The following DNAH14 variants were observed in gnomAD, a reference collection of about 807,000 sequenced individuals.
DNAH14 encodes the protein axonemal beta dynein heavy chain 14.
DNAH14 carries 478 observed loss-of-function variants against 520.9 expected under a neutral mutation model. The observed-to-expected ratio is 0.92, with a 90% confidence interval of 0.85 to 0.99. The LOEUF is 0.99. Ranked by LOEUF, DNAH14 falls within the 50% of genes least tolerant of loss-of-function variation. The pLI, the probability that DNAH14 is intolerant of heterozygous loss-of-function variation, is 0.00. For synonymous variants in DNAH14, 1,581 were observed against 1,757.2 expected, an observed-to-expected ratio of 0.90 and a Z score of 2.51; for missense variants, 4,831 against 5,234.5, an observed-to-expected ratio of 0.92 and a Z score of 2.38.
intron 21 of DNAH14, among the ~76,000 whole-genome samples, chr1:225,096,712 A>G (rs1398324888): frequency 6.6e-6 from 1 of 152,204 alleles, no homozygotes; most frequent in African/African-American, 2.4e-5. Flanking sequence ...TACATTAAGG[A>G]TATTATATGT....
chr1:225,125,476 C>T (rs553223787), intron 27 of DNAH14, among the ~76,000 whole-genome samples: 2 of 152,336 alleles, frequency 1.3e-5, no homozygotes, highest in South Asian at 4.1e-4. Flanking sequence ...TGCACTTTTA[C>T]ATTACTGAGA....
chr1:225,064,121 G>A (rs2070550883), intron 17 of DNAH14, among the ~76,000 whole-genome samples: 1 of 151,890 alleles, frequency 6.6e-6, no homozygotes, highest in Admixed American at 6.6e-5. Context: ...AGTAAAAAGT[G>A]GGCAAAGTAT....
At chr1:225,083,653 C>T (rs995903804) in intron 20 of DNAH14, among the ~76,000 whole-genome samples, 5 of 152,100 alleles carry the variant, frequency 3.3e-5, no homozygotes, top group Admixed American at 1.3e-4. Flanking sequence ...ATTGTTTACA[C>T]TAAAAATCAT....
intron 71 of DNAH14, among the ~76,000 whole-genome samples, chr1:225,348,099 G>T (rs972218736): frequency 2.0e-5 from 3 of 151,966 alleles, no homozygotes; most frequent in Non-Finnish European, 4.4e-5. Flanking sequence ...TATTACAGGG[G>T]TTCAACAGCA....
At chr1:225,072,630 A>G (rs1420006025) in intron 17 of DNAH14, among the ~76,000 whole-genome samples, 1 of 152,176 alleles carries the variant, frequency 6.6e-6, no homozygotes, top group Admixed American at 6.5e-5. Flanking sequence ...AGTTTTTAGC[A>G]TTCTAGAACC....
intron 11 of DNAH14, among the ~76,000 whole-genome samples, chr1:225,028,580 G>A (rs1319723777): frequency 6.6e-6 from 1 of 151,606 alleles, no homozygotes; most frequent in Non-Finnish European, 1.5e-5. Flanking sequence ...CCAGCTTTTG[G>A]TTTTATTGAT....
chr1:224,954,961 T>C lies in DNAH14; in HGVS notation c.80T>C (p.Leu27Pro), dbSNP rs1402339538. 1.3e-6 allele frequency: 2 copies of C among 1,586,182 alleles called. No individual in the cohort carries two copies. Among genetic ancestry groups the C allele is most frequent in the Non-Finnish European group, 1.7e-6 (2 of 1,164,728 alleles). The change falls in exon 3 of 86, where the codon CTT becomes CCT. Residue 27 changes from leucine to proline, a missense_variant and splice_region_variant. By Grantham distance (98) the Leu-to-Pro change is moderately conservative. Coordinates refer to ENST00000682510, the MANE Select transcript of DNAH14 (RefSeq NM_001367479.1). The stretch of plus-strand genomic sequence containing the variant: ...GAATTGTTTTCTTTGTCATTTAGAC[T>C]TTTAAGATATGAAGAGAAAAAATAT... ...DKEETKTKPR[L>P]LRYEEKKYED... is the part of the protein sequence containing the mutation.
chr1:225,089,309 T>G (rs1401678632), intron 21 of DNAH14, among the ~76,000 whole-genome samples: 1 of 151,688 alleles, frequency 6.6e-6, no homozygotes, highest in Non-Finnish European at 1.5e-5. Flanking sequence ...CTGGGTGTGG[T>G]GGCAGGTGCC....
intron 28 of DNAH14, 144 bp downstream of exon 28, chr1:225,141,165 T>C (rs2079422146): frequency 1.3e-6 from 1 of 750,826 alleles, no homozygotes; most frequent in Non-Finnish European, 2.0e-6. Context: ...TGTACCAATC[T>C]GAGTATATTA....
intron 8 of DNAH14, among the ~76,000 whole-genome samples, chr1:224,987,177 A>G (rs566701230): frequency 7.9e-5 from 12 of 152,138 alleles, no homozygotes; most frequent in Middle Eastern, 3.4e-3. Context: ...TGTAGTTGGT[A>G]AACTAGAGTC....
At chr1:225,282,996 C>T (rs2093659243) in intron 54 of DNAH14, among the ~76,000 whole-genome samples, 1 of 151,304 alleles carries the variant, frequency 6.6e-6, no homozygotes. Context: ...ATCTTTTTAC[C>T]TTATGATATC....
chr1:224,947,356 C>T (rs961424538), intron 1 of DNAH14, among the ~76,000 whole-genome samples: 1 of 151,916 alleles, frequency 6.6e-6, no homozygotes, highest in Non-Finnish European at 1.5e-5. Context: ...ATTTTTTTCT[C>T]AGAAATGTCT....
chr1:225,108,487 G>GTA (rs765075488), intron 23 of DNAH14, among the ~76,000 whole-genome samples: 1 of 152,096 alleles, frequency 6.6e-6, no homozygotes, highest in Non-Finnish European at 1.5e-5. Flanking sequence ...GTTGCCATTT[G>GTA]TATGTCTTCT....
chr1:225,167,100 T>C (rs2082106247), intron 35 of DNAH14, among the ~76,000 whole-genome samples: 1 of 152,190 alleles, frequency 6.6e-6, no homozygotes. Context: ...TCTCATCAAT[T>C]CCACTTAAGA....
intron 22 of DNAH14, among the ~76,000 whole-genome samples, chr1:225,097,504 T>C (rs1034493795): frequency 2.6e-5 from 4 of 152,272 alleles, no homozygotes; most frequent in Admixed American, 1.3e-4. Flanking sequence ...CTGGGCACGT[T>C]CACTCACGCC....
intron 36 of DNAH14, among the ~76,000 whole-genome samples, chr1:225,177,647 C>A (rs1391820161): frequency 6.6e-6 from 1 of 152,178 alleles, no homozygotes; most frequent in Non-Finnish European, 1.5e-5. Flanking sequence ...AGGGTGCAAG[C>A]CTCAAGCCTT....
At chr1:225,186,656 T>G (rs2084790774) in intron 37 of DNAH14, among the ~76,000 whole-genome samples, 1 of 151,806 alleles carries the variant, frequency 6.6e-6, no homozygotes, top group African/African-American at 2.4e-5. Context: ...CTAAATATAT[T>G]TTGAAATAAC....
Position 225,304,944 on chromosome 1 carries a change from A to C in DNAH14, c.8860A>C (p.Ile2954Leu). 6.5e-7 allele frequency: 1 copy of C among 1,531,656 alleles called. No individual in the cohort carries two copies. 94.9% of individuals were successfully genotyped at this position (1,531,656 alleles called of 1,614,324 possible). Residue 2954 changes from isoleucine (I) to leucine (L), a missense_variant, in exon 58 of 86, where the codon ATC becomes CTC. Coordinates refer to ENST00000682510, the MANE Select transcript of DNAH14 (RefSeq NM_001367479.1). ...KEKLAPTCVQ[I>L]HKSMKDLNRK... is the part of the protein sequence containing the mutation. ...AAAACTTGCCCCAACATGTGTCCAAATCCACAAAAGCATGAAAGACTTGAA... is the reference window on the plus strand; with the variant it reads ...AAAACTTGCCCCAACATGTGTCCAACTCCACAAAAGCATGAAAGACTTGAA...
chr1:225,304,074 A>G (rs1039764659), intron 57 of DNAH14, among the ~76,000 whole-genome samples: 2 of 152,198 alleles, frequency 1.3e-5, no homozygotes, highest in South Asian at 2.1e-4. Context: ...TGGACTGGAG[A>G]TGAATCATCA....
Sources: allele counts gnomAD v4.1 joint callset (sites outside exome capture counted in the v4.1 genomes callset), GRCh38; gene constraint gnomAD v4.1.1; transcripts MANE v1.5; gene names NCBI Gene and HGNC (gene_info 2026-07-23, HGNC 2026-07-21).